The following DOCK4 variants were observed in gnomAD, a reference collection of about 807,000 sequenced individuals.
DOCK4 encodes the protein dedicator of cytokinesis protein 4.
A neutral mutation model predicts 268.1 loss-of-function variants in DOCK4; 97 were observed. The ratio of observed to expected loss-of-function variants is 0.36; its 90% CI spans 0.31 to 0.43. The LOEUF (loss-of-function observed/expected upper bound fraction) is 0.43, where lower values mean the gene tolerates loss of function less well. Among genes scored for constraint, DOCK4 ranks in the 20% least tolerant of loss-of-function variants. DOCK4 has a pLI of 1.00. For missense variants in DOCK4, 2,145 were observed against 2,455.7 expected, an observed-to-expected ratio of 0.87 and a Z score of 2.67; for synonymous variants, 954 against 887.2, an observed-to-expected ratio of 1.08 and a Z score of -1.34.
chr7:111,834,850 C>T (rs2134027491), intron 25 of DOCK4, among the ~76,000 whole-genome samples, 164 bp from the exon 26 acceptor site: 1 of 152,066 alleles, frequency 6.6e-6, no homozygotes, highest in East Asian at 1.9e-4. Context: ...TCCAAAATGT[C>T]ACAGCCAAAA....
intron 12 of DOCK4, among the ~76,000 whole-genome samples, chr7:111,928,584 T>G (rs577902955): frequency 2.8e-5 from 4 of 144,686 alleles, no homozygotes; most frequent in Admixed American, 6.8e-5. Context: ...GATTTTCTTT[T>G]TCTTTTTTTT....
intron 8 of DOCK4, among the ~76,000 whole-genome samples, chr7:111,960,201 T>TA (rs766406361): frequency 9.2e-5 from 14 of 151,538 alleles, no homozygotes; most frequent in Non-Finnish European, 1.5e-4. Flanking sequence ...CCGTCTCTAC[T>TA]AAAAATACAA....
intron 52 of DOCK4, among the ~76,000 whole-genome samples, chr7:111,730,562 G>A (rs958887020): frequency 6.6e-6 from 1 of 152,108 alleles, no homozygotes; most frequent in Non-Finnish European, 1.5e-5. Flanking sequence ...AGTTAGACCT[G>A]AAATTCAAAA....
intron 1 of DOCK4, among the ~76,000 whole-genome samples, chr7:112,151,259 C>G (rs1201392956): frequency 1.3e-5 from 2 of 152,082 alleles, no homozygotes; most frequent in African/African-American, 4.8e-5. Context: ...GCTACATTAG[C>G]CTCTTGTGGC....
intron 1 of DOCK4, among the ~76,000 whole-genome samples, chr7:112,082,722 A>G (rs1808714260): frequency 6.6e-6 from 1 of 152,170 alleles, no homozygotes; most frequent in South Asian, 2.1e-4. Flanking sequence ...ATAGTTTACT[A>G]TATAGAAAAA....
chr7:112,192,976 T>A (rs1820110795), intron 1 of DOCK4, among the ~76,000 whole-genome samples: 1 of 152,140 alleles, frequency 6.6e-6, no homozygotes, highest in African/African-American at 2.4e-5. Context: ...AAATATTGCT[T>A]CATTCTCTTC....
chr7:112,185,433 A>G (rs1315876814), intron 1 of DOCK4, among the ~76,000 whole-genome samples: 1 of 152,192 alleles, frequency 6.6e-6, no homozygotes, highest in East Asian at 1.9e-4. Context: ...TGTCTACCTT[A>G]TAAGAGTTAA....
At chr7:112,145,610 A>G (rs1815403762) in intron 1 of DOCK4, among the ~76,000 whole-genome samples, 1 of 152,228 alleles carries the variant, frequency 6.6e-6, no homozygotes, top group South Asian at 2.1e-4. Context: ...TCTGTATACA[A>G]ACCTAACAGG....
chr7:112,202,275 A>G (rs1460406752), intron 1 of DOCK4, among the ~76,000 whole-genome samples: 2 of 152,234 alleles, frequency 1.3e-5, no homozygotes, highest in African/African-American at 2.4e-5. Flanking sequence ...GCTGTTTTAC[A>G]TAACAGCTGT....
intron 12 of DOCK4, among the ~76,000 whole-genome samples, chr7:111,925,390 T>C (rs1003011135): frequency 6.6e-6 from 1 of 152,154 alleles, no homozygotes; most frequent in Non-Finnish European, 1.5e-5. Context: ...TGAAAGTCTC[T>C]GAAGCAGAGG....
At chr7:111,755,627 C>A in intron 41 of DOCK4, 26 bp from the exon 42 acceptor site, 1 of 1,609,116 alleles carries the variant, frequency 6.2e-7, no homozygotes, top group East Asian at 2.2e-5. Context: ...CACATTAAGT[C>A]TCCCAAGTTG....
At chr7:111,863,636 G>GT in intron 22 of DOCK4, 72 bp from the exon 23 acceptor site, 1 of 1,425,858 alleles carries the variant, frequency 7.0e-7, no homozygotes, top group Non-Finnish European at 9.4e-7. Context: ...ACGTCAGTGA[G>GT]TTTAAGGACC....
intron 15 of DOCK4, among the ~76,000 whole-genome samples, chr7:111,897,562 A>G (rs1808860719): frequency 6.6e-6 from 1 of 151,782 alleles, no homozygotes; most frequent in Non-Finnish European, 1.5e-5. Context: ...CTGAGAGTGC[A>G]CATCTCTCCC....
At chr7:112,173,198 G>A (rs1818227364) in intron 1 of DOCK4, among the ~76,000 whole-genome samples, 1 of 152,074 alleles carries the variant, frequency 6.6e-6, no homozygotes, top group Non-Finnish European at 1.5e-5. Flanking sequence ...CAAACACCAG[G>A]GAGAAAACAA....
rs562644217 is a variant in DOCK4, at chr7:112,128,295, G to T, written c.37+77807C>A. On this transcript the variant is annotated intron_variant, in intron 1 of 52. Coordinates refer to ENST00000428084, the MANE Select transcript of DOCK4 (RefSeq NM_001363540.2). ...GCCGCCCCGTCCGGGAGGGAGGTGG[G>T]GGGGGTCAGCCCCCTGCCCGGCCAG... Among the ~76,000 whole-genome samples, 6 of 151,398 alleles carry T rather than the reference G, an allele frequency of 4.0e-5. No individual in the cohort carries two copies. In the South Asian group the frequency reaches 1.3e-3, roughly 32 times the overall value.
chr7:111,728,519 TCGGCACGGGCACCGGCACTGGCAC>T lies in DOCK4; in HGVS notation c.5659_5682del (p.Val1887_Pro1894del), dbSNP rs1794822660. 1.2e-6 allele frequency: 2 copies of T among 1,613,662 alleles called. No individual in the cohort carries two copies. Among genetic ancestry groups the T allele is most frequent in the East Asian group, 4.5e-5 (2 of 44,870 alleles). On this transcript the variant is annotated inframe_deletion, in exon 53 of 53. Transcript: ENST00000428084. The stretch of plus-strand genomic sequence containing the variant: ...CGCACTGGCTCCTCCCCGCCGTAGC[TCGGCACGGGCACCGGCACTGGCAC>T]CGGCAGGGGGGCCGACTGTTCATTC...
At chr7:111,843,019 C>T (rs1431311302) in intron 25 of DOCK4, among the ~76,000 whole-genome samples, 5 of 152,070 alleles carry the variant, frequency 3.3e-5, no homozygotes, top group Admixed American at 6.5e-5. Context: ...AATAACACAT[C>T]CTATCAAGAA....
Position 112,039,376 on chromosome 7 carries a change from G to T in DOCK4, c.38-35245C>A, listed in dbSNP as rs150524591. ...AGGTTTTAAAGAGGATTTCATATGG[G>T]GGGGGGGGCTTAAAGATGCAGAAAT... On this transcript the variant is annotated intron_variant, in intron 1 of 52. Transcript: ENST00000428084. Among the ~76,000 whole-genome samples, 9 of 141,438 alleles carry T rather than the reference G, an allele frequency of 6.4e-5. 1 individual carries two copies. The East Asian group carries it at 1.6e-3, about 25-fold the overall frequency. 92.8% of individuals were successfully genotyped at this position (141,438 alleles called of 152,430 possible).
intron 45 of DOCK4, 33 bp downstream of exon 45, chr7:111,741,980 G>A: frequency 2.0e-6 from 3 of 1,528,262 alleles, no homozygotes; most frequent in Non-Finnish European, 2.6e-6. Context: ...CAGTGATCAG[G>A]CTGCCCCGCC....
Sources: allele counts gnomAD v4.1 joint callset (sites outside exome capture counted in the v4.1 genomes callset), GRCh38; gene constraint gnomAD v4.1.1; transcripts MANE v1.5; gene names NCBI Gene and HGNC (gene_info 2026-07-23, HGNC 2026-07-21).